The following C4BPA variants were observed in gnomAD, a reference collection of about 807,000 sequenced individuals.
C4BPA encodes C4b-binding protein alpha chain.
A neutral mutation model predicts 63.7 loss-of-function variants in C4BPA; 31 were observed. The ratio of observed to expected loss-of-function variants is 0.49; its 90% confidence interval spans 0.37 to 0.66. The LOEUF is 0.66. Ranked by LOEUF, C4BPA falls within the 30% of genes least tolerant of loss-of-function variation. C4BPA has a pLI of 0.00. For missense variants in C4BPA, 572 were observed against 723.3 expected (o/e 0.79, Z 2.40); for synonymous variants, 259 against 254.7 (o/e 1.02, Z -0.16).
In C4BPA at chr1:207,144,740, A is replaced by G. The variant is rs1438897592; in HGVS notation, c.*23A>G. On this transcript the variant is annotated 3_prime_UTR_variant, in exon 12 of 12. Transcript: ENST00000367070. Reference sequence around the variant, plus strand: ...TAATTTTTCTCAAAAGAAGGAGGAAAAGGTGTCTTGCTGGCTTGCCTCTTG... The same window carrying G: ...TAATTTTTCTCAAAAGAAGGAGGAAGAGGTGTCTTGCTGGCTTGCCTCTTG... 2 of 1,565,318 alleles carry G rather than the reference A, an allele frequency of 1.3e-6. No homozygotes were observed. The highest frequency in any genetic ancestry group is 1.8e-5 in the Admixed American group (1 of 55,876).
At chr1:207,129,228 A>C (rs1035224657) in intron 7 of C4BPA, among the ~76,000 whole-genome samples, 22 of 152,112 alleles carry the variant, frequency 1.4e-4, no homozygotes, top group Non-Finnish European at 2.8e-4. Flanking sequence ...AGATAAATTG[A>C]GATTATGCAA....
chr1:207,138,261 T>C (rs1685335847), intron 9 of C4BPA, among the ~76,000 whole-genome samples: 1 of 152,230 alleles, frequency 6.6e-6, no homozygotes, highest in African/African-American at 2.4e-5. Context: ...GTTTTCTGTT[T>C]GTGCAGCTTG....
intron 3 of C4BPA, among the ~76,000 whole-genome samples, chr1:207,115,037 G>A (rs930777815): frequency 6.6e-6 from 1 of 152,178 alleles, no homozygotes; most frequent in Admixed American, 6.5e-5. Context: ...AATAGCAGGG[G>A]TATACAATCA....
chr1:207,143,362 C>T (rs984223752), intron 10 of C4BPA, among the ~76,000 whole-genome samples: 1 of 152,074 alleles, frequency 6.6e-6, no homozygotes, highest in Admixed American at 6.6e-5. Context: ...GGAGGGATAG[C>T]ATTAGGAGAA....
At position 207,143,883 on chromosome 1, in the gene C4BPA, C is replaced by T. The variant is rs908010936; in HGVS notation, c.1510C>T (p.Pro504Ser). Residue 504 changes from proline to serine, a missense_variant, in exon 11 of 12, where the codon CCT becomes TCT. Transcript: ENST00000367070. The part of the protein sequence containing the change: ...LSVDKDQYVE[P>S]ENVTIQCDSG... ...TGTGGATAAGGATCAGTATGTTGAG[C>T]CTGAAAATGTCACCATCCAATGTGA... 2.5e-6 allele frequency: 4 copies of T among 1,612,788 alleles called. No homozygotes were observed. Among genetic ancestry groups the T allele is most frequent in the African/African-American group, 1.3e-5 (1 of 74,808 alleles).
Position 207,144,609 on chromosome 1 carries a change from A to G in C4BPA, c.1686A>G (p.Pro562=). 6.2e-7 allele frequency: 1 copy of G among 1,613,538 alleles called. No homozygotes were observed. Among genetic ancestry groups the G allele is most frequent in the Non-Finnish European group, 8.5e-7 (1 of 1,179,776 alleles). The part of the protein sequence containing the change: ...GKRLMQCLPN[P]EDVKMALEVY... The stretch of plus-strand genomic sequence containing the variant: ...GACTCATGCAGTGTCTCCCAAACCC[A>G]GAGGATGTGAAAATGGCCCTGGAGG... Residue 562 remains proline, a synonymous_variant, in exon 12 of 12, where the codon CCA becomes CCG. Coordinates refer to ENST00000367070, the MANE Select transcript of C4BPA (RefSeq NM_000715.4).
At chr1:207,108,651 G>C (rs916593593) in intron 1 of C4BPA, among the ~76,000 whole-genome samples, 17 of 152,178 alleles carry the variant, frequency 1.1e-4, no homozygotes, top group African/African-American at 3.9e-4. Context: ...ATTAACAATT[G>C]AATTTATGGA....
rs73079144 is a variant in C4BPA at position 207,132,551 on chromosome 1, T to G, written c.1084+811T>G. ...TAGTTTAGATCAACCTGTCAGAAGA[T>G]TACTTATTTCATATTAAGACTTAAC... is the stretch of plus-strand genomic sequence containing the variant. On this transcript the variant is annotated intron_variant, in intron 8 of 11. Transcript: ENST00000367070. Among the ~76,000 whole-genome samples, 1,296 of 152,328 alleles carry G rather than the reference T, an allele frequency of 8.5e-3. 9 individuals are homozygous for G. Among genetic ancestry groups the G allele is most frequent in the African/African-American group, 0.029 (1,206 of 41,572 alleles).
rs1349665398 is a variant in C4BPA at position 207,144,940 on chromosome 1, T to C, written c.*223T>C. 1 of 292,502 alleles carries C rather than the reference T, an allele frequency of 3.4e-6. No homozygotes were observed. Among genetic ancestry groups the C allele is most frequent in the Non-Finnish European group, 6.3e-6 (1 of 159,638 alleles). The allele number at this position is 292,502 out of a possible 1,614,324, so 18.1% of individuals were successfully genotyped here. On this transcript the variant is annotated 3_prime_UTR_variant, in exon 12 of 12. Coordinates refer to ENST00000367070, the MANE Select transcript of C4BPA (RefSeq NM_000715.4). The stretch of plus-strand genomic sequence containing the variant: ...TTTTCAACACACAAAGCACAAATTT[T>C]TTTTCGATTAAAAATGTATGTATAA...
chr1:207,144,485 C>T, intron 11 of C4BPA, 59 bp from the exon 12 acceptor site: 1 of 1,456,208 alleles, frequency 6.9e-7, no homozygotes. Flanking sequence ...TCAGGATCCA[C>T]CCTCCTTTAT....
chr1:207,118,092 T>C (rs1427038805), intron 4 of C4BPA, among the ~76,000 whole-genome samples: 2 of 151,860 alleles, frequency 1.3e-5, no homozygotes, highest in African/African-American at 4.8e-5. Context: ...ATTTATCCAA[T>C]TTGTATTGTA....
At chr1:207,132,196 G>A (rs1161761831) in intron 8 of C4BPA, among the ~76,000 whole-genome samples, 4 of 152,150 alleles carry the variant, frequency 2.6e-5, no homozygotes, top group African/African-American at 9.7e-5. Context: ...GAGATGGCAG[G>A]GCTTCCTGAT....
chr1:207,115,640 T>A, intron 4 of C4BPA, 125 bp downstream of exon 4: 1 of 521,892 alleles, frequency 1.9e-6, no homozygotes, highest in South Asian at 2.7e-5. Flanking sequence ...ATTTCCATCC[T>A]ATCTCCATAC....
chr1:207,134,804 A>G (rs1009837873), intron 9 of C4BPA, among the ~76,000 whole-genome samples: 1 of 152,204 alleles, frequency 6.6e-6, no homozygotes, highest in African/African-American at 2.4e-5. Flanking sequence ...AATAGACAAC[A>G]TGTAATAAAT....
intron 9 of C4BPA, among the ~76,000 whole-genome samples, chr1:207,139,037 A>G (rs914853127): frequency 2.6e-5 from 4 of 152,186 alleles, no homozygotes; most frequent in Admixed American, 1.3e-4. Flanking sequence ...CAGACGGTCA[A>G]GATATATTCA....
chr1:207,108,178 AG>A (rs1684596771), intron 1 of C4BPA, among the ~76,000 whole-genome samples: 1 of 152,174 alleles, frequency 6.6e-6, no homozygotes, highest in African/African-American at 2.4e-5. Context: ...AGAGTCAAAA[AG>A]TTTTAGTTTA....
rs1009955613 is a variant in C4BPA at position 207,134,432 on chromosome 1, T to A, written c.1113T>A (p.Asn371Lys). 1.2e-6 allele frequency: 2 copies of A among 1,613,636 alleles called. No homozygotes were observed. The highest frequency in any genetic ancestry group is 1.7e-6 in the Non-Finnish European group (2 of 1,179,774). The change falls in exon 9 of 12, where the codon AAT becomes AAA. Residue 371 changes from asparagine to lysine, a missense_variant. Physicochemically the swap from Asn to Lys is moderately conservative, Grantham distance 94 (BLOSUM62 0). Coordinates refer to ENST00000367070, the MANE Select transcript of C4BPA (RefSeq NM_000715.4). ...EALCCPEPKLNNGEITQHRKS... is the reference protein window; with the variant it reads ...EALCCPEPKLKNGEITQHRKS... The stretch of plus-strand genomic sequence containing the variant: ...TATGTTGCCCTGAACCAAAGCTAAA[T>A]AATGGTGAAATCACTCAACACAGGA...
At chr1:207,144,064 T>G in intron 11 of C4BPA, 71 bp downstream of exon 11, 3 of 1,091,750 alleles carry the variant, frequency 2.7e-6, no homozygotes, top group Non-Finnish European at 3.9e-6. Context: ...CAGAGCTCTG[T>G]ACCACTCAAC....
rs1454669510 is a variant in C4BPA at position 207,140,285 on chromosome 1, C to T, written c.1274-821C>T. 3.9e-5 allele frequency among the ~76,000 whole-genome samples: 6 copies of T among 152,136 alleles called. No homozygotes were observed. In the East Asian group the frequency reaches 7.7e-4, roughly 20 times the overall value. ...TCCCATGTGGCATAACTACCTGGTG[C>T]GTTTTTCAGTGTACACAAATGTCCA... On this transcript the variant is annotated intron_variant, in intron 9 of 11. Transcript: ENST00000367070.
Sources: gnomAD v4.1 joint callset for allele counts (sites outside exome capture counted in the v4.1 genomes callset) on GRCh38, gnomAD v4.1.1 for gene constraint, MANE v1.5 for transcripts, NCBI Gene and HGNC (gene_info 2026-07-23, HGNC 2026-07-21) for gene names.